The following MARCHF10 variants were observed in gnomAD, a reference collection of about 807,000 sequenced individuals.
MARCHF10 encodes the protein membrane associated ring-CH-type finger 10.
In MARCHF10, 64 loss-of-function variants were observed where a neutral mutation model predicts 76.2. The ratio of observed to expected loss-of-function variants is 0.84; its 90% confidence interval spans 0.69 to 1.03. MARCHF10 has a LOEUF of 1.03. Among genes scored for constraint, MARCHF10 ranks in the 50% least tolerant of loss-of-function variants. The pLI is 0.00. For synonymous variants in MARCHF10, 340 were observed against 357.5 expected (o/e 0.95, Z 0.55); for missense variants, 875 against 958.0 (o/e 0.91, Z 1.14).
chr17:62,795,080 T>G, intron 2 of MARCHF10: 1 of 985,188 alleles, frequency 1.0e-6, no homozygotes, highest in South Asian at 4.7e-5. Flanking sequence ...AAAAGTTGAT[T>G]TATCCCCATT....
chr17:62,704,662 C>T (rs1173491063), intron 10 of MARCHF10, among the ~76,000 whole-genome samples: 3 of 152,260 alleles, frequency 2.0e-5, no homozygotes, highest in Admixed American at 2.0e-4. Flanking sequence ...AACACGATTC[C>T]AGGGCCCCAC....
chr17:62,769,879 T>C (rs1249498632), intron 3 of MARCHF10, among the ~76,000 whole-genome samples: 1 of 152,210 alleles, frequency 6.6e-6, no homozygotes, highest in East Asian at 1.9e-4. Flanking sequence ...TGAGTGGCAG[T>C]TCATTCAAGT....
chr17:62,778,893 G>A (rs2092603567), intron 3 of MARCHF10, among the ~76,000 whole-genome samples: 1 of 152,094 alleles, frequency 6.6e-6, no homozygotes, highest in South Asian at 2.1e-4. Flanking sequence ...TTCAGGAAGA[G>A]GAAACAATTT....
intron 6 of MARCHF10, among the ~76,000 whole-genome samples, chr17:62,725,700 C>T (rs1333919193): frequency 6.6e-6 from 1 of 152,308 alleles, no homozygotes; most frequent in South Asian, 2.1e-4. Flanking sequence ...GGAGTCAAGG[C>T]CAGGAGCCCC....
intron 2 of MARCHF10, among the ~76,000 whole-genome samples, chr17:62,795,405 T>C (rs927962328): frequency 9.4e-6 from 1 of 106,842 alleles, no homozygotes; most frequent in Non-Finnish European, 2.0e-5. Context: ...AGCATGAAAA[T>C]CCTTGAAGCA....
rs747776076 is a variant in MARCHF10, at chr17:62,801,771, C to T, written c.-17-19G>A. On this transcript the variant is annotated intron_variant, in intron 1 of 10. Coordinates refer to ENST00000311269, the MANE Select transcript of MARCHF10 (RefSeq NM_152598.4). ...CCCTGACCTGCACAGAAAAGATAAA[C>T]AAATGTGCTGTGTTAGAGTCCTTTG... 1.3e-6 allele frequency: 2 copies of T among 1,555,480 alleles called. No individual in the cohort carries two copies. Among genetic ancestry groups the T allele is most frequent in the South Asian group, 2.2e-5 (2 of 89,922 alleles).
At position 62,701,670 on chromosome 17, in the gene MARCHF10, G is replaced by C. The variant is rs376408224; in HGVS notation, c.*33C>G. 1 of 1,613,756 alleles carries C rather than the reference G, an allele frequency of 6.2e-7. No homozygotes were observed. Among genetic ancestry groups the C allele is most frequent in the African/African-American group, 1.3e-5 (1 of 75,048 alleles). The stretch of plus-strand genomic sequence containing the variant: ...CGTAGAAAGAAGGGCTGGCGGGAGA[G>C]GTCTCCGCCGAGCTCCACAGTTGGC... On this transcript the variant is annotated 3_prime_UTR_variant, in exon 11 of 11. Transcript: ENST00000311269.
At position 62,711,412 on chromosome 17, in the gene MARCHF10, G is replaced by C. The variant is rs1462820959; in HGVS notation, c.2215-68C>G. 1 of 1,450,240 alleles carries C rather than the reference G, an allele frequency of 6.9e-7. No homozygotes were observed. Among genetic ancestry groups the C allele is most frequent in the Non-Finnish European group, 9.6e-7 (1 of 1,040,846 alleles). 89.8% of individuals were successfully genotyped at this position (1,450,240 alleles called of 1,614,324 possible). The stretch of plus-strand genomic sequence containing the variant: ...GTCATGGTCTAAATTGTGGGATGCA[G>C]GGTAACAAGGCTAAGAGGTGACAAG... On this transcript the variant is annotated intron_variant, in intron 8 of 10. Transcript: ENST00000311269. This position sits in a 1 kb window ranked among gnomAD's most constrained non-coding sequence, Gnocchi z 4.4.
At position 62,729,658 on chromosome 17, in the gene MARCHF10, C is replaced by A. The variant is rs185667115; in HGVS notation, c.1938-4554G>T. ...CAGTGATCACAGCTCACTGTAGACT[C>A]GACCTTCTGGGCTCAAGGGATACTC... On this transcript the variant is annotated intron_variant, in intron 6 of 10. Transcript: ENST00000311269. Among the ~76,000 whole-genome samples, 391 of 151,714 alleles carry A rather than the reference C, an allele frequency of 2.6e-3. 3 individuals are homozygous for A. The highest frequency in any genetic ancestry group is 9.0e-3 in the African/African-American group (374 of 41,382).
At chr17:62,777,507 G>A (rs1302075971) in intron 3 of MARCHF10, among the ~76,000 whole-genome samples, 2 of 152,002 alleles carry the variant, frequency 1.3e-5, no homozygotes, top group Non-Finnish European at 2.9e-5. Context: ...TGGATCACCT[G>A]AGCTCAGGAG....
At chr17:62,797,280 C>T (rs1424151298) in intron 2 of MARCHF10, among the ~76,000 whole-genome samples, 1 of 152,212 alleles carries the variant, frequency 6.6e-6, no homozygotes. Context: ...TCTTGGCTCA[C>T]TGCAACCTCC....
At chr17:62,705,128 C>T (rs1355702175) in intron 10 of MARCHF10, 1 of 1,137,832 alleles carries the variant, frequency 8.8e-7, no homozygotes, top group African/African-American at 1.7e-5. Context: ...AATGTGGTCC[C>T]TTCAGGTAAG....
chr17:62,775,815 A>AT (rs146448087), intron 3 of MARCHF10, among the ~76,000 whole-genome samples: 2 of 150,654 alleles, frequency 1.3e-5, no homozygotes, highest in African/African-American at 4.9e-5. Flanking sequence ...CGTCTTTTCA[A>AT]TTATTTATTT....
intron 1 of MARCHF10, 108 bp from the exon 2 acceptor site, chr17:62,801,860 C>T: frequency 1.2e-6 from 1 of 850,442 alleles, no homozygotes; most frequent in Middle Eastern, 2.2e-4. Context: ...CATCTAATTT[C>T]CCTTGTTTGA....
chr17:62,801,052 G>A (rs1279469112), intron 2 of MARCHF10, among the ~76,000 whole-genome samples: 2 of 152,084 alleles, frequency 1.3e-5, no homozygotes, highest in African/African-American at 4.8e-5. Context: ...GGTGGACAAG[G>A]GCTCCATGCC....
chr17:62,767,882 C>T (rs886904592), intron 3 of MARCHF10, among the ~76,000 whole-genome samples: 1 of 152,126 alleles, frequency 6.6e-6, no homozygotes, highest in African/African-American at 2.4e-5. Context: ...TCGTTCAGCC[C>T]CTGCACCTAC....
At chr17:62,758,386 AC>A (rs1409833482) in intron 4 of MARCHF10, among the ~76,000 whole-genome samples, 2 of 152,150 alleles carry the variant, frequency 1.3e-5, no homozygotes, top group Non-Finnish European at 2.9e-5. Flanking sequence ...ACAACAAAAA[AC>A]AAAAAAACCC....
At chr17:62,722,297 AAAG>A (rs2090531009) in intron 8 of MARCHF10, among the ~76,000 whole-genome samples, 188 bp downstream of exon 8, 1 of 151,784 alleles carries the variant, frequency 6.6e-6, no homozygotes. Flanking sequence ...AAAAAAAAAA[AAAG>A]GCTTTTCAAC....
intron 4 of MARCHF10, among the ~76,000 whole-genome samples, chr17:62,748,695 T>C (rs1246118170): frequency 2.0e-5 from 3 of 151,564 alleles, no homozygotes; most frequent in Non-Finnish European, 4.4e-5. Flanking sequence ...CAGTGAGCTG[T>C]GTTTGCACCA....
Sources: gnomAD v4.1 joint callset for allele counts (sites outside exome capture counted in the v4.1 genomes callset) on GRCh38, gnomAD v4.1.1 for gene constraint, Gnocchi (gnomAD v3.1) non-coding constraint, MANE v1.5 for transcripts, NCBI Gene and HGNC (gene_info 2026-07-23, HGNC 2026-07-21) for gene names.